The following PKP4 variants were observed in gnomAD, a reference collection of about 807,000 sequenced individuals.
PKP4 encodes the protein plakophilin-4.
A neutral mutation model predicts 145.1 loss-of-function variants in PKP4; 90 were observed. That is an observed-to-expected ratio of 0.62 (90% CI 0.52 to 0.74). The LOEUF (loss-of-function observed/expected upper bound fraction) is 0.74. Ranked by LOEUF, PKP4 falls within the 30% of genes least tolerant of loss-of-function variation. The pLI, the probability that PKP4 is intolerant of heterozygous loss-of-function variation, is 0.00. For synonymous variants in PKP4, 563 were observed against 577.2 expected, an observed-to-expected ratio of 0.98 and a Z score of 0.35; for missense variants, 1,340 against 1,482.7, an observed-to-expected ratio of 0.90 and a Z score of 1.58.
intron 1 of PKP4, among the ~76,000 whole-genome samples, chr2:158,498,599 C>T (rs952207697): frequency 2.6e-5 from 4 of 152,198 alleles, no homozygotes; most frequent in South Asian, 2.1e-4. Flanking sequence ...CTCATGCACT[C>T]TGCTGATGTT....
At chr2:158,672,532 G>A (rs1257988651) in intron 17 of PKP4, among the ~76,000 whole-genome samples, 1 of 152,180 alleles carries the variant, frequency 6.6e-6, no homozygotes, top group Admixed American at 6.5e-5. Context: ...GCAATGGCCG[G>A]GCCCAGCTGA....
At chr2:158,516,875 C>T (rs542949259) in intron 1 of PKP4, among the ~76,000 whole-genome samples, 1 of 151,990 alleles carries the variant, frequency 6.6e-6, no homozygotes, top group Non-Finnish European at 1.5e-5. Context: ...GTTGGCCAGG[C>T]TGGTCTCGAA....
intron 1 of PKP4, 30 bp downstream of exon 1, chr2:158,457,248 G>T (rs1688885827): frequency 6.6e-6 from 1 of 151,772 alleles, no homozygotes; most frequent in Non-Finnish European, 1.5e-5. Flanking sequence ...GGAGGGCGCG[G>T]AGACTCCTGC....
intron 9 of PKP4, among the ~76,000 whole-genome samples, chr2:158,635,521 T>G (rs1356667622): frequency 1.3e-5 from 2 of 152,182 alleles, no homozygotes; most frequent in Non-Finnish European, 2.9e-5. Context: ...GTAGGTAATT[T>G]AGACCATCCC....
intron 9 of PKP4, among the ~76,000 whole-genome samples, chr2:158,636,822 A>T (rs1442208596): frequency 1.3e-5 from 2 of 152,046 alleles, no homozygotes; most frequent in Non-Finnish European, 2.9e-5. Context: ...TTTATTTCCA[A>T]TCCTTGAATT....
chr2:158,518,017 G>C (rs2042070116), intron 1 of PKP4, among the ~76,000 whole-genome samples: 1 of 152,142 alleles, frequency 6.6e-6, no homozygotes, highest in Admixed American at 6.5e-5. Flanking sequence ...CTATCTTGAT[G>C]GTTATTTCAG....
Position 158,634,191 on chromosome 2 carries a change from A to G in PKP4, c.1464A>G (p.Arg488=), listed in dbSNP as rs766525937. ...AGCCCTACAGGCCTATACAATACCG[A>G]GTGCAAGAGTGCAATTATAACAGGC... ...YAEPYRPIQY[R]VQECNYNRLQ... is the part of the protein sequence containing the mutation. Residue 488 remains arginine (R), a synonymous_variant, in exon 9 of 22, where the codon CGA becomes CGG. Transcript: ENST00000389759. 1.2e-6 allele frequency: 2 copies of G among 1,614,136 alleles called. No homozygotes were observed. The highest frequency in any genetic ancestry group is 2.2e-5 in the South Asian group (2 of 91,078).
chr2:158,636,821 A>G (rs1004112157), intron 9 of PKP4, among the ~76,000 whole-genome samples: 2 of 152,058 alleles, frequency 1.3e-5, no homozygotes, highest in African/African-American at 4.8e-5. Flanking sequence ...TTTTATTTCC[A>G]ATCCTTGAAT....
chr2:158,633,826 A>G (rs754972834), intron 8 of PKP4, among the ~76,000 whole-genome samples: 21 of 152,234 alleles, frequency 1.4e-4, no homozygotes, highest in African/African-American at 1.9e-4. Flanking sequence ...TGAACATACT[A>G]TATAAGCAGA....
chr2:158,588,725 A>T (rs1011601387), intron 3 of PKP4, among the ~76,000 whole-genome samples: 7 of 152,206 alleles, frequency 4.6e-5, no homozygotes, highest in Non-Finnish European at 5.9e-5. Flanking sequence ...ATCTCAAATT[A>T]TCCAAACCTG....
Position 158,621,319 on chromosome 2 carries a change from G to C in PKP4, c.501G>C (p.Gln167His), listed in dbSNP as rs757066133. ...YQEAGSFHNS[Q>H]NVSKADNRQQ... ...AAGCAGGGAGTTTCCACAACAGCCAGAACGTGAGCAAGGCAGACAACAGAC... is the reference window on the plus strand; with the variant it reads ...AAGCAGGGAGTTTCCACAACAGCCACAACGTGAGCAAGGCAGACAACAGAC... The change falls in exon 6 of 22, where the codon CAG becomes CAC. Residue 167 changes from glutamine (Q) to histidine (H), a missense_variant. By Grantham distance (24) the Gln-to-His change is conservative. Transcript: ENST00000389759. 3.1e-6 allele frequency: 5 copies of C among 1,614,072 alleles called. No homozygotes were observed. In the South Asian group the frequency reaches 5.5e-5, roughly 18 times the overall value.
chr2:158,555,076 A>G (rs1365185498), intron 2 of PKP4, among the ~76,000 whole-genome samples: 1 of 152,206 alleles, frequency 6.6e-6, no homozygotes. Flanking sequence ...TAGTGAAATG[A>G]TATTTTCTAA....
At chr2:158,460,004 T>C (rs2105370628) in intron 1 of PKP4, among the ~76,000 whole-genome samples, 1 of 152,298 alleles carries the variant, frequency 6.6e-6, no homozygotes, top group African/African-American at 2.4e-5. Context: ...CACCCCCTAC[T>C]ATTATGTAAG....
At chr2:158,517,335 C>T (rs2042013291) in intron 1 of PKP4, among the ~76,000 whole-genome samples, 2 of 152,006 alleles carry the variant, frequency 1.3e-5, no homozygotes, top group South Asian at 2.1e-4. Context: ...GGGCTTTTTC[C>T]CACCTGGGTT....
At chr2:158,591,855 AG>A (rs1256281573) in intron 3 of PKP4, among the ~76,000 whole-genome samples, 6 of 152,216 alleles carry the variant, frequency 3.9e-5, no homozygotes, top group African/African-American at 1.4e-4. Context: ...GAGAAAAAAG[AG>A]GGAAAGAAAG....
At chr2:158,563,504 A>G (rs2046713324) in intron 2 of PKP4, among the ~76,000 whole-genome samples, 2 of 152,308 alleles carry the variant, frequency 1.3e-5, no homozygotes, top group Non-Finnish European at 2.9e-5. Context: ...CATATTCTGT[A>G]TCAGCACATT....
At chr2:158,653,596 A>T (rs543227688) in intron 11 of PKP4, among the ~76,000 whole-genome samples, 1 of 152,198 alleles carries the variant, frequency 6.6e-6, no homozygotes, top group Non-Finnish European at 1.5e-5. Flanking sequence ...TATTTTCTAA[A>T]TTAGTTTGTA....
intron 2 of PKP4, among the ~76,000 whole-genome samples, chr2:158,554,953 T>G (rs77124552): frequency 1.3e-5 from 2 of 149,520 alleles, no homozygotes; most frequent in Non-Finnish European, 3.0e-5. Flanking sequence ...GTTTCTGTTA[T>G]GATTATTTGC....
At chr2:158,580,728 T>C (rs903330726) in intron 3 of PKP4, among the ~76,000 whole-genome samples, 1 of 152,322 alleles carries the variant, frequency 6.6e-6, no homozygotes, top group East Asian at 1.9e-4. Context: ...TTCAGTGATC[T>C]CTGAGCTGTG....
Sources: allele counts gnomAD v4.1 joint callset (sites outside exome capture counted in the v4.1 genomes callset), GRCh38; gene constraint gnomAD v4.1.1; transcripts MANE v1.5; gene names NCBI Gene and HGNC (gene_info 2026-07-23, HGNC 2026-07-21).